Variants in OLFM3 observed in about 807,000 individuals in gnomAD.
OLFM3 encodes olfactomedin 3.
In OLFM3, 20 loss-of-function variants were observed where a neutral mutation model predicts 48.6. That is an observed-to-expected ratio of 0.41 (90% CI 0.29 to 0.60). The LOEUF (loss-of-function observed/expected upper bound fraction) is 0.60, where lower values mean the gene tolerates loss of function less well. OLFM3 is among the 20% of genes least tolerant of loss of function. The pLI, the probability that OLFM3 is intolerant of heterozygous loss-of-function variation, is 0.28. For missense variants in OLFM3, 437 were observed against 544.3 expected, an observed-to-expected ratio of 0.80 and a Z score of 1.96; for synonymous variants, 222 against 198.1, an observed-to-expected ratio of 1.12 and a Z score of -1.01.
At chr1:101,842,479 C>T (rs1040938141) in intron 1 of OLFM3, among the ~76,000 whole-genome samples, 7 of 151,980 alleles carry the variant, frequency 4.6e-5, no homozygotes, top group African/African-American at 1.7e-4. Flanking sequence ...CCTGGGAAGT[C>T]GAGGCTACAG....
rs1475464837 is a variant in OLFM3, at chr1:101,993,274, C to A, written c.69+3474G>T. On this transcript the variant is annotated intron_variant, in intron 1 of 5. Transcript: ENST00000370103. ...ATTCACAGGGATTACTGTTTTGTTA[C>A]AATGTTCAAATAATGGTCCGCTAAA... 2.6e-5 allele frequency among the ~76,000 whole-genome samples: 4 copies of A among 152,180 alleles called. No homozygotes were observed. The East Asian group carries it at 7.7e-4, about 29-fold the overall frequency.
At chr1:101,822,157 C>T (rs1654635961) in intron 4 of OLFM3, among the ~76,000 whole-genome samples, 2 of 151,910 alleles carry the variant, frequency 1.3e-5, no homozygotes, top group African/African-American at 4.8e-5. Context: ...TTAGAAAAAA[C>T]AAACAAATGG....
chr1:101,855,241 G>T (rs963620646), intron 1 of OLFM3, among the ~76,000 whole-genome samples: 1 of 152,042 alleles, frequency 6.6e-6, no homozygotes, highest in Admixed American at 6.6e-5. Flanking sequence ...AACTTTACAT[G>T]TATGAAGTCG....
chr1:101,984,564 A>T (rs1437186422), intron 1 of OLFM3, among the ~76,000 whole-genome samples: 4 of 151,940 alleles, frequency 2.6e-5, no homozygotes, highest in Non-Finnish European at 5.9e-5. Context: ...TGCCCAGCTA[A>T]TTTTTTTGTA....
chr1:101,943,323 G>T (rs976358255), intron 1 of OLFM3, among the ~76,000 whole-genome samples: 1 of 152,188 alleles, frequency 6.6e-6, no homozygotes, highest in Non-Finnish European at 1.5e-5. Flanking sequence ...GCTTCAGCAT[G>T]CCCTTTTTGA....
intron 1 of OLFM3, among the ~76,000 whole-genome samples, chr1:101,884,981 T>C (rs549432963): frequency 6.6e-6 from 1 of 152,108 alleles, no homozygotes; most frequent in African/African-American, 2.4e-5. Context: ...GTATTTTCAA[T>C]GCTGTGAAAG....
intron 4 of OLFM3, chr1:101,812,817 A>G (rs1393000628): frequency 1.0e-6 from 1 of 991,860 alleles, no homozygotes; most frequent in African/African-American, 1.7e-5. Flanking sequence ...TGACTCTTTT[A>G]TTTTGTACCT....
chr1:101,953,295 C>T (rs550093773), intron 1 of OLFM3, among the ~76,000 whole-genome samples: 1 of 152,116 alleles, frequency 6.6e-6, no homozygotes, highest in African/African-American at 2.4e-5. Flanking sequence ...TGTGGGCATT[C>T]GTCCCTCCAC....
At chr1:101,968,582 C>T in intron 1 of OLFM3, among the ~76,000 whole-genome samples, 1 of 147,372 alleles carries the variant, frequency 6.8e-6, no homozygotes, top group East Asian at 2.0e-4. Flanking sequence ...ATGTATCCCA[C>T]AAGTATTCCA....
At chr1:101,951,016 G>A (rs1660129244) in intron 1 of OLFM3, among the ~76,000 whole-genome samples, 1 of 152,134 alleles carries the variant, frequency 6.6e-6, no homozygotes, top group African/African-American at 2.4e-5. Context: ...GTCTATTTAA[G>A]GTTAAATGGC....
chr1:101,822,828 C>T (rs771904957), intron 4 of OLFM3, among the ~76,000 whole-genome samples: 1 of 151,792 alleles, frequency 6.6e-6, no homozygotes, highest in South Asian at 2.1e-4. Flanking sequence ...CAATGTTTAC[C>T]TATTGTATAT....
At chr1:101,952,809 T>TAA (rs143490505) in intron 1 of OLFM3, among the ~76,000 whole-genome samples, 2 of 151,526 alleles carry the variant, frequency 1.3e-5, no homozygotes, top group African/African-American at 4.8e-5. Context: ...CTATCTTTTT[T>TAA]AAAAAAAAAT....
chr1:101,847,360 T>TAA (rs200193089), intron 1 of OLFM3, among the ~76,000 whole-genome samples: 3 of 145,290 alleles, frequency 2.1e-5, no homozygotes, highest in African/African-American at 7.5e-5. Flanking sequence ...TATCTTTCAT[T>TAA]AAAAAAAAAA....
chr1:101,911,980 T>G (rs1178383497), intron 1 of OLFM3, among the ~76,000 whole-genome samples: 1 of 152,190 alleles, frequency 6.6e-6, no homozygotes, highest in Middle Eastern at 3.2e-3. Flanking sequence ...CGTAAGTTAT[T>G]AATATTAAAA....
At chr1:101,836,569 G>T (rs1655420162) in intron 2 of OLFM3, among the ~76,000 whole-genome samples, 1 of 149,182 alleles carries the variant, frequency 6.7e-6, no homozygotes, top group South Asian at 2.1e-4. Flanking sequence ...GAGTGGAGCT[G>T]AATTTTTGGC....
At chr1:101,927,387 G>A (rs1473886929) in intron 1 of OLFM3, among the ~76,000 whole-genome samples, 1 of 151,910 alleles carries the variant, frequency 6.6e-6, no homozygotes, top group Non-Finnish European at 1.5e-5. Context: ...GCAATATGGA[G>A]GAAGACTTGT....
chr1:101,965,003 G>A (rs571227805), intron 1 of OLFM3, among the ~76,000 whole-genome samples: 4 of 152,262 alleles, frequency 2.6e-5, no homozygotes, highest in African/African-American at 9.6e-5. Context: ...TCAAGTCTAT[G>A]TTCTGGCTTA....
chr1:101,895,602 G>T (rs948721152), intron 1 of OLFM3, among the ~76,000 whole-genome samples: 22 of 151,898 alleles, frequency 1.4e-4, no homozygotes, highest in African/African-American at 5.1e-4. Context: ...ACCCATTTTT[G>T]GACCTTTGAT....
At chr1:101,922,412 C>G (rs922320597) in intron 1 of OLFM3, among the ~76,000 whole-genome samples, 1 of 152,150 alleles carries the variant, frequency 6.6e-6, no homozygotes, top group Non-Finnish European at 1.5e-5. Flanking sequence ...CCCATACATA[C>G]AGCTGATCTC....
Sources: allele counts gnomAD v4.1 joint callset (sites outside exome capture counted in the v4.1 genomes callset), GRCh38; gene constraint gnomAD v4.1.1; transcripts MANE v1.5; gene names NCBI Gene and HGNC (gene_info 2026-07-23, HGNC 2026-07-21).